Variants in CMTR1 observed in about 807,000 individuals in gnomAD.
The protein encoded by CMTR1 is cap methyltransferase 1, also known as cap-specific mRNA (nucleoside-2'-O-)-methyltransferase 1.
In CMTR1, 39 loss-of-function variants were observed where a neutral mutation model predicts 107.0. The observed-to-expected ratio is 0.36, with a 90% CI of 0.28 to 0.48. The LOEUF is 0.48. Among genes scored for constraint, CMTR1 ranks in the 20% least tolerant of loss-of-function variants. The pLI is 0.99. For missense variants in CMTR1, 672 were observed against 1,064.9 expected, an observed-to-expected ratio of 0.63 and a Z score of 5.14; for synonymous variants, 366 against 379.5, an observed-to-expected ratio of 0.96 and a Z score of 0.41.
intron 2 of CMTR1, among the ~76,000 whole-genome samples, chr6:37,437,871 G>A (rs1468938863): frequency 6.6e-6 from 1 of 152,142 alleles, no homozygotes; most frequent in Non-Finnish European, 1.5e-5. Context: ...GTGGATCTTG[G>A]GGGACATTTG....
intron 4 of CMTR1, among the ~76,000 whole-genome samples, chr6:37,447,070 T>C (rs192518442): frequency 7.9e-5 from 12 of 152,318 alleles, no homozygotes; most frequent in African/African-American, 2.9e-4. Context: ...TCCTATCTTA[T>C]TCCGTAAAGG....
At chr6:37,437,272 A>G (rs939337129) in intron 2 of CMTR1, among the ~76,000 whole-genome samples, 2 of 150,876 alleles carry the variant, frequency 1.3e-5, no homozygotes, top group Non-Finnish European at 2.9e-5. Flanking sequence ...CACAGTTGTA[A>G]TCCCGGCACT....
chr6:37,446,886 G>A (rs1194593466), intron 4 of CMTR1, among the ~76,000 whole-genome samples: 1 of 152,180 alleles, frequency 6.6e-6, no homozygotes, highest in African/African-American at 2.4e-5. Context: ...CCCCAGGTTT[G>A]TGCCATCCAG....
rs776533158 is a variant in CMTR1, at chr6:37,473,440, G to A, written c.1690-30G>A. On this transcript the variant is annotated intron_variant, in intron 16 of 23. Transcript: ENST00000373451. ...CCCATACTGTCCCTTCCCCCAACCC[G>A]GCAGTGTTTTCTCTGACTCGTGGCT... 10 of 1,604,588 alleles carry A rather than the reference G, an allele frequency of 6.2e-6. No homozygotes were observed. In the African/African-American group the frequency reaches 8.0e-5, roughly 13 times the overall value.
chr6:37,430,778 GC>G (rs1771350821), upstream of CMTR1, among the ~76,000 whole-genome samples: 2 of 152,140 alleles, frequency 1.3e-5, no homozygotes, highest in South Asian at 4.1e-4. Context: ...CCTTTGGGAG[GC>G]TGAGGTGGGC....
At chr6:37,467,146 G>A (rs142532240) in intron 13 of CMTR1, among the ~76,000 whole-genome samples, 246 of 152,276 alleles carry the variant, frequency 1.6e-3, no homozygotes, top group African/African-American at 5.7e-3. Flanking sequence ...CAGCCTGGGT[G>A]ACAGAACGAG....
Position 37,435,615 on chromosome 6 carries a change from T to A in CMTR1, c.-6-9T>A. On this transcript the variant is annotated splice_polypyrimidine_tract_variant and intron_variant, in intron 1 of 23. Transcript: ENST00000373451. ...AAGGGCAGCTGACTGACTGGATTTATGGTTACAGTTAACGATGAAGAGGAG... is the reference window on the plus strand; with the variant it reads ...AAGGGCAGCTGACTGACTGGATTTAAGGTTACAGTTAACGATGAAGAGGAG... 1.3e-6 allele frequency: 2 copies of A among 1,590,082 alleles called. No individual in the cohort carries two copies.
intron 13 of CMTR1, among the ~76,000 whole-genome samples, chr6:37,470,637 G>A (rs1161316050): frequency 6.6e-6 from 1 of 152,184 alleles, no homozygotes; most frequent in African/African-American, 2.4e-5. Context: ...CAGACATTGT[G>A]TGTAAAGAAC....
rs1358795940 is a variant in CMTR1 at position 37,435,731 on chromosome 6, A to G, written c.102A>G (p.Glu34=). The G allele has an allele frequency of 3.1e-6, 5 of 1,594,436 alleles. No homozygotes were observed. In the East Asian group the frequency reaches 9.2e-5, roughly 29 times the overall value. ...ALSLSSTSDD[E]PPSSVSHGAK... ...GCCTCAGCTCCACGTCCGATGATGA[A>G]CCTCCCTCCTCTGTCAGTCATGGAG... Residue 34 remains glutamate (E), a synonymous_variant, in exon 2 of 24, where the codon GAA becomes GAG. Coordinates refer to ENST00000373451, the MANE Select transcript of CMTR1 (RefSeq NM_015050.3).
chr6:37,462,476 A>G (rs1022393012), intron 12 of CMTR1, among the ~76,000 whole-genome samples: 1 of 152,184 alleles, frequency 6.6e-6, no homozygotes, highest in East Asian at 1.9e-4. Context: ...AGAAAATGCA[A>G]CCAATCAGAA....
Position 37,469,562 on chromosome 6 carries a change from C to G in CMTR1, c.1506-1459C>G, listed in dbSNP as rs1489681607. 2.6e-5 allele frequency among the ~76,000 whole-genome samples: 3 copies of G among 113,560 alleles called. No homozygotes were observed. In the East Asian group the frequency reaches 8.2e-4, roughly 31 times the overall value. The allele number at this position is 113,560 out of a possible 152,430, so 74.5% of individuals were successfully genotyped here. A position where few individuals can be genotyped will look rare whatever the true frequency, so the allele number is the denominator to read the frequency against. On this transcript the variant is annotated intron_variant, in intron 13 of 23. Coordinates refer to ENST00000373451, the MANE Select transcript of CMTR1 (RefSeq NM_015050.3). ...TTTTTTTTTGAGATGGAGTCTCGCT[C>G]TGTTGCCCAGGCTGGAGTGCAATGG...
chr6:37,425,460 A>T, the CMTR1 span, among the ~76,000 whole-genome samples: 2 of 147,270 alleles, frequency 1.4e-5, no homozygotes, highest in East Asian at 2.0e-4. Context: ...CGCCTGGCTA[A>T]TTTTTTTGTA....
At chr6:37,451,782 C>G (rs773973111) in intron 5 of CMTR1, 24 bp from the exon 6 acceptor site, 2 of 1,593,640 alleles carry the variant, frequency 1.3e-6, no homozygotes, top group Non-Finnish European at 8.6e-7. Flanking sequence ...GTGGTCATTA[C>G]TTACTGCTTT....
chr6:37,461,841 A>G (rs1294330069), intron 11 of CMTR1, 129 bp from the exon 12 acceptor site: 1 of 1,090,450 alleles, frequency 9.2e-7, no homozygotes, highest in Non-Finnish European at 1.3e-6. Context: ...TCCCCCTTAA[A>G]TTGTCTCTGA....
At chr6:37,457,437 G>A (rs1264485657) in intron 8 of CMTR1, among the ~76,000 whole-genome samples, 1 of 152,004 alleles carries the variant, frequency 6.6e-6, no homozygotes, top group Non-Finnish European at 1.5e-5. Flanking sequence ...CACACCCAGC[G>A]CTGGGCAGGA....
chr6:37,474,388 T>G, intron 17 of CMTR1, 136 bp from the exon 18 acceptor site: 1 of 985,990 alleles, frequency 1.0e-6, no homozygotes, highest in Non-Finnish European at 1.5e-6. Context: ...GGATTTAATC[T>G]CTCATAGACA....
chr6:37,477,896 CAT>C (rs779520553), intron 21 of CMTR1, among the ~76,000 whole-genome samples: 6 of 152,202 alleles, frequency 3.9e-5, no homozygotes, highest in Non-Finnish European at 7.3e-5. Context: ...TTGATGCTGT[CAT>C]AGTTACGATG....
chr6:37,453,519 C>T (rs900380035), intron 8 of CMTR1, among the ~76,000 whole-genome samples: 6 of 152,098 alleles, frequency 3.9e-5, no homozygotes, highest in East Asian at 1.9e-4. Flanking sequence ...TCCTGGAATC[C>T]GAGCCACTAA....
Position 37,462,034 on chromosome 6 carries a change from G to A in CMTR1, c.1257G>A (p.Leu419=), listed in dbSNP as rs1294090043. The part of the protein sequence containing the change: ...FTPFSVGLVY[L]LYCCFERVCL... ...CGTTTAGTGTGGGGCTTGTCTACCT[G>A]CTGTACTGCTGCTTTGAACGAGTTT... The change falls in exon 12 of 24, where the codon CTG becomes CTA. Residue 419 remains leucine (L), a synonymous_variant. Coordinates refer to ENST00000373451, the MANE Select transcript of CMTR1 (RefSeq NM_015050.3). The A allele has an allele frequency of 6.2e-7, 1 of 1,613,888 alleles. No individual in the cohort carries two copies. Among genetic ancestry groups the A allele is most frequent in the East Asian group, 2.2e-5 (1 of 44,876 alleles).
Sources: allele counts gnomAD v4.1 joint callset (sites outside exome capture counted in the v4.1 genomes callset), GRCh38; gene constraint gnomAD v4.1.1; transcripts MANE v1.5; gene names NCBI Gene and HGNC (gene_info 2026-07-23, HGNC 2026-07-21).